ATP10A: variants seen among roughly 807,000 people sequenced by gnomAD.
The protein encoded by ATP10A is ATPase phospholipid transporting 10A (putative), also known as phospholipid-transporting ATPase VA.
In ATP10A, 111 loss-of-function variants were observed where a neutral mutation model predicts 147.8. The ratio of observed to expected loss-of-function variants is 0.75; its 90% CI spans 0.64 to 0.88. ATP10A has a LOEUF of 0.88. Among genes scored for constraint, ATP10A ranks in the 40% least tolerant of loss-of-function variants. ATP10A has a pLI of 0.00. For missense variants in ATP10A, 1,927 were observed against 1,959.0 expected (o/e 0.98, Z 0.31); for synonymous variants, 875 against 841.6 (o/e 1.04, Z -0.69).
At chr15:25,826,302 G>A (rs1298175989) in intron 1 of ATP10A, among the ~76,000 whole-genome samples, 1 of 152,204 alleles carries the variant, frequency 6.6e-6, no homozygotes, top group Non-Finnish European at 1.5e-5. Flanking sequence ...GCTCATGCCT[G>A]TAATCCCAGC....
chr15:25,733,442 A>G (rs1259433190), intron 3 of ATP10A, among the ~76,000 whole-genome samples: 5 of 152,176 alleles, frequency 3.3e-5, no homozygotes, highest in Non-Finnish European at 1.5e-5. Context: ...CCCCGGGAGT[A>G]TTCCTCACTG....
intron 12 of ATP10A, among the ~76,000 whole-genome samples, chr15:25,706,581 T>G (rs1178873261): frequency 6.6e-6 from 1 of 152,118 alleles, no homozygotes; most frequent in Non-Finnish European, 1.5e-5. Context: ...GCTCCTGGGC[T>G]CTGAGAGCAG....
At chr15:25,695,529 T>C (rs1202932630) in intron 13 of ATP10A, among the ~76,000 whole-genome samples, 2 of 152,090 alleles carry the variant, frequency 1.3e-5, no homozygotes, top group Non-Finnish European at 2.9e-5. Flanking sequence ...CTCGGGAGGC[T>C]GAGGCAGGAG....
chr15:25,823,595 G>A (rs913310819), intron 1 of ATP10A, among the ~76,000 whole-genome samples: 1 of 152,250 alleles, frequency 6.6e-6, no homozygotes, highest in South Asian at 2.1e-4. Flanking sequence ...CTAAATAGAA[G>A]TCTTCCAAGG....
At chr15:25,823,655 C>T (rs1891985287) in intron 1 of ATP10A, among the ~76,000 whole-genome samples, 1 of 152,226 alleles carries the variant, frequency 6.6e-6, no homozygotes, top group Non-Finnish European at 1.5e-5. Flanking sequence ...CTTGAATTAA[C>T]TCAACTATTG....
At position 25,681,045 on chromosome 15, in the gene ATP10A, G is replaced by A; in HGVS notation, c.3522C>T (p.Asn1174=). Residue 1174 remains asparagine (N), a synonymous_variant, in exon 18 of 21, where the codon AAC becomes AAT. Coordinates refer to ENST00000555815, the MANE Select transcript of ATP10A (RefSeq NM_024490.4). The part of the protein sequence containing the change: ...EEYRPRTFWF[N]MADAAFQSLV... ...GGCTCTGGAAGGCGGCGTCGGCCAT[G>A]TTAAACCAGAACGTTCGTGGCCGGT... 6.2e-7 allele frequency: 1 copy of A among 1,614,098 alleles called. No individual in the cohort carries two copies. The highest frequency in any genetic ancestry group is 1.7e-5 in the Admixed American group (1 of 60,024).
intron 2 of ATP10A, among the ~76,000 whole-genome samples, chr15:25,743,845 T>C (rs1352166060): frequency 6.6e-6 from 1 of 152,190 alleles, no homozygotes; most frequent in Admixed American, 6.5e-5. Flanking sequence ...CCTTCCATTT[T>C]TAAAGTCATC....
At chr15:25,706,074 A>C (rs1900991357) in intron 12 of ATP10A, among the ~76,000 whole-genome samples, 1 of 152,208 alleles carries the variant, frequency 6.6e-6, no homozygotes, top group Non-Finnish European at 1.5e-5. Context: ...ATCGGTAGAC[A>C]ACTCTGATTT....
intron 1 of ATP10A, among the ~76,000 whole-genome samples, chr15:25,803,443 C>T (rs1318202133): frequency 1.3e-5 from 2 of 152,212 alleles, no homozygotes; most frequent in Non-Finnish European, 2.9e-5. Context: ...GGTACAAGGA[C>T]TGAATGGCTA....
At chr15:25,835,041 T>A (rs1002509464) in intron 1 of ATP10A, among the ~76,000 whole-genome samples, 6 of 152,076 alleles carry the variant, frequency 3.9e-5, no homozygotes, top group African/African-American at 1.4e-4. Context: ...GGCAGGATGA[T>A]CACTTGAGGG....
chr15:25,735,924 G>A, intron 3 of ATP10A, 132 bp downstream of exon 3: 2 of 826,576 alleles, frequency 2.4e-6, no homozygotes, highest in Non-Finnish European at 4.0e-6. Flanking sequence ...CAGGTGCTGG[G>A]CCACATTCCC....
chr15:25,707,754 G>C (rs1247757527), intron 12 of ATP10A, among the ~76,000 whole-genome samples: 1 of 152,202 alleles, frequency 6.6e-6, no homozygotes, highest in Non-Finnish European at 1.5e-5. Context: ...GGCAGCTGCT[G>C]TCTTGGGGTG....
chr15:25,749,956 G>A (rs1352657456), intron 2 of ATP10A, among the ~76,000 whole-genome samples: 2 of 152,082 alleles, frequency 1.3e-5, no homozygotes, highest in Non-Finnish European at 2.9e-5. Context: ...AGAATCAAAA[G>A]AGAGGATTGG....
At chr15:25,809,071 A>C (rs993293705) in intron 1 of ATP10A, among the ~76,000 whole-genome samples, 2 of 152,180 alleles carry the variant, frequency 1.3e-5, no homozygotes, top group Admixed American at 6.5e-5. Context: ...AGGGGACATG[A>C]TGCTTAAGTG....
Position 25,781,269 on chromosome 15 carries a change from T to G in ATP10A, c.450-46A>C. ...AACAAAACTCACGAGACATTGGTCG[T>G]GGCTGGATCTGGGTGATGGGCACGT... On this transcript the variant is annotated intron_variant, in intron 1 of 20. Transcript: ENST00000555815. 4 of 1,540,180 alleles carry G rather than the reference T, an allele frequency of 2.6e-6. No homozygotes were observed. The South Asian group carries it at 3.5e-5, about 14-fold the overall frequency.
chr15:25,759,157 G>T (rs1052915348), intron 2 of ATP10A, among the ~76,000 whole-genome samples: 12 of 152,208 alleles, frequency 7.9e-5, no homozygotes. Flanking sequence ...CTATATAGAA[G>T]TAACTTGCCT....
intron 1 of ATP10A, among the ~76,000 whole-genome samples, chr15:25,830,998 C>T (rs559429118): frequency 6.4e-4 from 97 of 152,334 alleles, no homozygotes; most frequent in Non-Finnish European, 1.2e-3. Context: ...GGCTGCTTCG[C>T]TACATGATTC....
chr15:25,767,259 A>G (rs1203012482), intron 2 of ATP10A, among the ~76,000 whole-genome samples: 1 of 152,134 alleles, frequency 6.6e-6, no homozygotes, highest in Non-Finnish European at 1.5e-5. Flanking sequence ...TGCAGAGAGG[A>G]GATGGGTGGA....
intron 1 of ATP10A, 55 bp from the exon 2 acceptor site, chr15:25,781,278 C>G (rs1238237644): frequency 2.7e-6 from 4 of 1,500,802 alleles, no homozygotes; most frequent in African/African-American, 1.4e-5. Flanking sequence ...GTGGCTGGAT[C>G]TGGGTGATGG....
Sources: gnomAD v4.1 joint callset for allele counts (sites outside exome capture counted in the v4.1 genomes callset) on GRCh38, gnomAD v4.1.1 for gene constraint, MANE v1.5 for transcripts, NCBI Gene and HGNC (gene_info 2026-07-23, HGNC 2026-07-21) for gene names.